Variants in GRK5 observed in about 807,000 individuals in gnomAD.
GRK5 encodes G protein-coupled receptor kinase 5, also known as g protein-coupled receptor kinase GRK5.
GRK5 carries 40 observed loss-of-function variants against 78.4 expected under a neutral mutation model. The observed-to-expected ratio is 0.51, with a 90% CI of 0.40 to 0.66. GRK5 has a LOEUF of 0.66. Among genes scored for constraint, GRK5 ranks in the 30% least tolerant of loss-of-function variants. The pLI is 0.00. For synonymous variants in GRK5, 289 were observed against 296.8 expected, an observed-to-expected ratio of 0.97 and a Z score of 0.27; for missense variants, 598 against 759.9, an observed-to-expected ratio of 0.79 and a Z score of 2.50.
intron 1 of GRK5, among the ~76,000 whole-genome samples, chr10:119,299,795 TGTGTG>T (rs1444320114): frequency 6.0e-4 from 2 of 3,332 alleles, no homozygotes. Context: ...TTTAAGCAGA[TGTGTG>T]TGTGTGTGTG....
At chr10:119,350,967 C>T (rs1016035982) in intron 2 of GRK5, among the ~76,000 whole-genome samples, 14 of 152,158 alleles carry the variant, frequency 9.2e-5, no homozygotes, top group African/African-American at 2.4e-4. Flanking sequence ...CAATGGGCTC[C>T]GTCTGTGTTG....
At chr10:119,291,598 T>C (rs1379847285) in intron 1 of GRK5, among the ~76,000 whole-genome samples, 2 of 148,904 alleles carry the variant, frequency 1.3e-5, no homozygotes, top group African/African-American at 2.5e-5. Context: ...CTCCTCCTCC[T>C]CCTCTTCCTC....
intron 2 of GRK5, among the ~76,000 whole-genome samples, chr10:119,344,180 A>G (rs189699368): frequency 7.2e-6 from 1 of 138,666 alleles, no homozygotes; most frequent in African/African-American, 2.7e-5. Flanking sequence ...TTTTTATTTT[A>G]TATTTATTTT....
At chr10:119,439,941 C>T (rs1853000039) in intron 10 of GRK5, among the ~76,000 whole-genome samples, 173 bp downstream of exon 10, 1 of 152,156 alleles carries the variant, frequency 6.6e-6, no homozygotes, top group South Asian at 2.1e-4. Context: ...CAGAGCTCCG[C>T]TTGGTGAACA....
At chr10:119,417,470 G>A (rs1285709933) in intron 4 of GRK5, among the ~76,000 whole-genome samples, 1 of 152,228 alleles carries the variant, frequency 6.6e-6, no homozygotes, top group Non-Finnish European at 1.5e-5. Flanking sequence ...TAGCCAGCAA[G>A]TCACCCCATT....
At chr10:119,394,334 G>GTA (rs1851972108) in intron 3 of GRK5, among the ~76,000 whole-genome samples, 1 of 101,582 alleles carries the variant, frequency 9.8e-6, no homozygotes, top group Non-Finnish European at 2.2e-5. Flanking sequence ...GTATCTGTGT[G>GTA]TCTGTGTGTG....
At chr10:119,389,514 A>G (rs1383390375) in intron 3 of GRK5, among the ~76,000 whole-genome samples, 1 of 152,228 alleles carries the variant, frequency 6.6e-6, no homozygotes, top group Non-Finnish European at 1.5e-5. Context: ...TATAGTGCAC[A>G]TCTGTGGGAT....
chr10:119,281,071 C>G (rs1849755256), intron 1 of GRK5, among the ~76,000 whole-genome samples: 1 of 151,918 alleles, frequency 6.6e-6, no homozygotes, highest in South Asian at 2.1e-4. Context: ...AACCACCACG[C>G]CCATCTGATT....
chr10:119,399,717 G>A (rs1372361965), intron 4 of GRK5, among the ~76,000 whole-genome samples: 1 of 152,178 alleles, frequency 6.6e-6, no homozygotes, highest in African/African-American at 2.4e-5. Context: ...TGTTACCAAA[G>A]CATTTCTCAA....
intron 2 of GRK5, among the ~76,000 whole-genome samples, chr10:119,377,590 C>T (rs1375635011): frequency 1.3e-5 from 2 of 152,198 alleles, no homozygotes; most frequent in Non-Finnish European, 1.5e-5. Context: ...ATCCTCTCTA[C>T]AGCTGGGAGA....
rs540521320 is a variant in GRK5 at position 119,377,991 on chromosome 10, G to A, written c.149-2824G>A. 11 of 154,538 alleles carry A rather than the reference G, an allele frequency of 7.1e-5. No individual in the cohort carries two copies. The South Asian group carries it at 1.2e-3, about 17-fold the overall frequency. The allele number at this position is 154,538 out of a possible 1,614,324, so 9.6% of individuals were successfully genotyped here. ...GTGGGAGGCAACGGGAATGCAGGCT[G>A]TATCTGCAGGGCATTGTGCTAACAG... On this transcript the variant is annotated intron_variant, in intron 2 of 15. Transcript: ENST00000392870.
At position 119,459,228 on chromosome 10, in the gene GRK5, C is replaced by T. The variant is rs1295583061; in HGVS notation, c.*4161C>T. The T allele has an allele frequency of 6.6e-6, 1 of 152,276 alleles. No homozygotes were observed. Among genetic ancestry groups the T allele is most frequent in the East Asian group, 1.9e-4 (1 of 5,200 alleles). 9.4% of individuals were successfully genotyped at this position (152,276 alleles called of 1,614,324 possible). ...TTGCAAAGCCTCCTCTCCCAGAGAC[C>T]CCTTCTGCGCCTGCCCTCCCCACCC... On this transcript the variant is annotated 3_prime_UTR_variant, in exon 16 of 16. Transcript: ENST00000392870.
intron 1 of GRK5, among the ~76,000 whole-genome samples, chr10:119,276,743 C>T (rs1849676483): frequency 6.6e-6 from 1 of 152,130 alleles, no homozygotes; most frequent in Admixed American, 6.5e-5. Flanking sequence ...GACATTTTAG[C>T]AACACAGCTG....
chr10:119,408,926 G>A (rs1273647773), intron 4 of GRK5, among the ~76,000 whole-genome samples: 1 of 152,234 alleles, frequency 6.6e-6, no homozygotes, highest in Non-Finnish European at 1.5e-5. Flanking sequence ...GTCCGATGCT[G>A]GAGCCTGTGA....
chr10:119,251,796 A>T (rs950792497), intron 1 of GRK5, among the ~76,000 whole-genome samples: 5 of 152,154 alleles, frequency 3.3e-5, no homozygotes, highest in Non-Finnish European at 7.3e-5. Context: ...CTTTAGCTTC[A>T]TAGTTATGAC....
intron 1 of GRK5, among the ~76,000 whole-genome samples, chr10:119,231,839 C>A (rs541729544): frequency 6.6e-6 from 1 of 151,998 alleles, no homozygotes; most frequent in East Asian, 1.9e-4. Context: ...TAACAAATAC[C>A]GGAGACGATG....
In GRK5 at chr10:119,371,420, G is replaced by A. The variant is rs1041878050; in HGVS notation, c.149-9395G>A. Among the ~76,000 whole-genome samples the A allele has an allele frequency of 2.0e-5, 3 of 152,256 alleles. No individual in the cohort carries two copies. In the South Asian group the frequency reaches 6.2e-4, roughly 31 times the overall value. Reference sequence around the variant, plus strand: ...TTAAGAAAGTATGTTCCCATTTCATGTCACTCGAAAAGAATGAAAACAGTG... The same window carrying A: ...TTAAGAAAGTATGTTCCCATTTCATATCACTCGAAAAGAATGAAAACAGTG... On this transcript the variant is annotated intron_variant, in intron 2 of 15. Transcript: ENST00000392870.
intron 3 of GRK5, among the ~76,000 whole-genome samples, chr10:119,394,193 T>TG (rs1310526357): frequency 3.0e-5 from 4 of 133,340 alleles, no homozygotes; most frequent in African/African-American, 1.1e-4. Flanking sequence ...TGTCTGTGTA[T>TG]GGGGGTGTGT....
intron 2 of GRK5, among the ~76,000 whole-genome samples, chr10:119,344,271 C>G (rs1851036871): frequency 6.6e-6 from 1 of 151,860 alleles, no homozygotes; most frequent in South Asian, 2.1e-4. Context: ...TGTTGGTGTG[C>G]TGCACCCATT....
Sources: allele counts gnomAD v4.1 joint callset (sites outside exome capture counted in the v4.1 genomes callset), GRCh38; gene constraint gnomAD v4.1.1; transcripts MANE v1.5; gene names NCBI Gene and HGNC (gene_info 2026-07-23, HGNC 2026-07-21).